RAB38: variants seen among roughly 807,000 people sequenced by gnomAD.
RAB38 encodes RAB38, member RAS oncogene family.
RAB38 carries 15 observed loss-of-function variants against 18.4 expected under a neutral mutation model. That is an observed-to-expected ratio of 0.82 (90% CI 0.55 to 1.26). The LOEUF is 1.26. RAB38 is among the 50% of genes most tolerant of loss of function. RAB38 has a pLI of 0.00. For synonymous variants in RAB38, 101 were observed against 104.4 expected (o/e 0.97, Z 0.20); for missense variants, 294 against 267.4 (o/e 1.10, Z -0.69).
At chr11:88,056,018 C>CGT in the RAB38 span, among the ~76,000 whole-genome samples, 26,327 of 149,878 alleles carry the variant, frequency 0.18, 4,017 homozygotes, top group African/African-American at 0.41. Flanking sequence ...TTTTTTCTTT[C>CGT]GTGTGTGTGT....
the RAB38 span, among the ~76,000 whole-genome samples, chr11:88,036,710 A>G: frequency 2.6e-5 from 4 of 152,054 alleles, no homozygotes; most frequent in African/African-American, 7.2e-5. Context: ...TTTGTGGAAC[A>G]TATCAATGGA....
At chr11:88,161,694 C>T (rs1943191073) in intron 1 of RAB38, among the ~76,000 whole-genome samples, 1 of 152,072 alleles carries the variant, frequency 6.6e-6, no homozygotes, top group African/African-American at 2.4e-5. Flanking sequence ...GATGAACTTA[C>T]TCTATACTCA....
chr11:88,019,335 A>C, the RAB38 span, among the ~76,000 whole-genome samples: 1 of 152,174 alleles, frequency 6.6e-6, no homozygotes, highest in Admixed American at 6.5e-5. Context: ...ATGCACATCC[A>C]ATCTGCCAGC....
the RAB38 span, among the ~76,000 whole-genome samples, chr11:88,007,276 GAATT>G: frequency 2.6e-5 from 4 of 151,758 alleles, no homozygotes; most frequent in African/African-American, 9.7e-5. Context: ...ATACACTTAA[GAATT>G]AATTTTTCTC....
At chr11:88,054,394 T>C in the RAB38 span, among the ~76,000 whole-genome samples, 1 of 152,206 alleles carries the variant, frequency 6.6e-6, no homozygotes, top group Non-Finnish European at 1.5e-5. Flanking sequence ...TCAATTAACT[T>C]TGACACACCT....
At chr11:87,939,838 G>A in the RAB38 span, among the ~76,000 whole-genome samples, 1 of 152,166 alleles carries the variant, frequency 6.6e-6, no homozygotes, top group African/African-American at 2.4e-5. Context: ...GCTACAGTGA[G>A]CTACGAGCGT....
the RAB38 span, among the ~76,000 whole-genome samples, chr11:87,880,952 C>A: frequency 6.6e-6 from 1 of 151,794 alleles, no homozygotes; most frequent in Admixed American, 6.6e-5. Context: ...TCAACTAGTG[C>A]TGAGTGCTAT....
the RAB38 span, among the ~76,000 whole-genome samples, chr11:88,096,787 C>T: frequency 6.6e-6 from 1 of 151,398 alleles, no homozygotes; most frequent in East Asian, 1.9e-4. Flanking sequence ...TATATAATTT[C>T]ACACTATATT....
chr11:88,058,165 C>G, the RAB38 span, among the ~76,000 whole-genome samples: 15 of 152,166 alleles, frequency 9.9e-5, no homozygotes, highest in Non-Finnish European at 2.1e-4. Context: ...GGGCCTCACA[C>G]AGAGGATACT....
At chr11:87,815,115 A>G in the RAB38 span, 3 of 152,206 alleles carry the variant, frequency 2.0e-5, no homozygotes, top group Non-Finnish European at 2.9e-5. Flanking sequence ...CTGTCTGTCA[A>G]ATAGTAACAA....
chr11:87,886,770 G>A, the RAB38 span, among the ~76,000 whole-genome samples: 1 of 150,794 alleles, frequency 6.6e-6, no homozygotes, highest in South Asian at 2.1e-4. Flanking sequence ...TATCCAAGTT[G>A]ATACCACTTG....
At chr11:87,957,954 A>G in the RAB38 span, among the ~76,000 whole-genome samples, 1 of 151,970 alleles carries the variant, frequency 6.6e-6, no homozygotes, top group Non-Finnish European at 1.5e-5. Context: ...CACTTTCCAA[A>G]TATCACTTTC....
the RAB38 span, among the ~76,000 whole-genome samples, chr11:87,938,407 T>C: frequency 1.3e-4 from 20 of 152,150 alleles, no homozygotes; most frequent in South Asian, 1.7e-3. Context: ...ATGAACGTCT[T>C]AGCTTCCTTA....
intron 1 of RAB38, among the ~76,000 whole-genome samples, chr11:88,152,341 T>C (rs970167644): frequency 6.6e-6 from 1 of 152,162 alleles, no homozygotes; most frequent in Non-Finnish European, 1.5e-5. Flanking sequence ...TTTAAATATA[T>C]GATAAAGAGT....
the RAB38 span, among the ~76,000 whole-genome samples, chr11:87,948,342 C>T: frequency 6.6e-6 from 1 of 152,162 alleles, no homozygotes; most frequent in Non-Finnish European, 1.5e-5. Flanking sequence ...CATCTGCAAA[C>T]AGGGACAATT....
the RAB38 span, among the ~76,000 whole-genome samples, chr11:87,896,210 A>C: frequency 6.6e-6 from 1 of 151,670 alleles, no homozygotes; most frequent in African/African-American, 2.4e-5. Flanking sequence ...ACCATAGCCA[A>C]ATTGCAAGCC....
the RAB38 span, among the ~76,000 whole-genome samples, chr11:88,004,097 T>C: frequency 0.012 from 1,692 of 146,134 alleles, 38 homozygotes; most frequent in African/African-American, 0.04. Context: ...GGTCCTTTAC[T>C]AATTTTATGA....
chr11:87,974,575 T>C, the RAB38 span, among the ~76,000 whole-genome samples: 3 of 151,686 alleles, frequency 2.0e-5, no homozygotes, highest in Non-Finnish European at 2.9e-5. Context: ...TTTGGAGAAA[T>C]AATTTCTGAA....
the RAB38 span, among the ~76,000 whole-genome samples, chr11:88,105,221 A>T: frequency 1.3e-5 from 2 of 151,566 alleles, no homozygotes; most frequent in African/African-American, 4.9e-5. Context: ...CCAAAAAAGT[A>T]TTCATGTGCT....
Sources: allele counts gnomAD v4.1 joint callset (sites outside exome capture counted in the v4.1 genomes callset), GRCh38; gene constraint gnomAD v4.1.1; transcripts MANE v1.5; gene names NCBI Gene and HGNC (gene_info 2026-07-23, HGNC 2026-07-21).